Variants in KDM4C observed in about 807,000 individuals in gnomAD.
KDM4C encodes the protein lysine demethylase 4C.
KDM4C carries 81 observed loss-of-function variants against 129.3 expected under a neutral mutation model. The observed-to-expected ratio is 0.63, with a 90% CI of 0.52 to 0.75. The LOEUF (loss-of-function observed/expected upper bound fraction) is 0.75. Among genes scored for constraint, KDM4C ranks in the 30% least tolerant of loss-of-function variants. The probability of loss-of-function intolerance (pLI) is 0.00; values close to 1 mark genes in which losing one functional copy is unlikely to be tolerated. For synonymous variants in KDM4C, 573 were observed against 456.1 expected, an observed-to-expected ratio of 1.26 and a Z score of -3.26; for missense variants, 1,457 against 1,304.0, an observed-to-expected ratio of 1.12 and a Z score of -1.81.
intron 12 of KDM4C, among the ~76,000 whole-genome samples, chr9:7,006,195 G>A (rs546511395): frequency 2.0e-5 from 3 of 152,306 alleles, no homozygotes; most frequent in Admixed American, 6.5e-5. Context: ...AACTTTTGGA[G>A]TTTCTCTGAA....
chr9:6,978,254 A>G (rs1833260542), intron 8 of KDM4C, among the ~76,000 whole-genome samples: 1 of 152,158 alleles, frequency 6.6e-6, no homozygotes, highest in South Asian at 2.1e-4. Flanking sequence ...CACTATTTGC[A>G]TTGTGGGTCT....
chr9:6,789,664 A>G (rs1438749919), intron 1 of KDM4C, among the ~76,000 whole-genome samples: 1 of 151,174 alleles, frequency 6.6e-6, no homozygotes, highest in Non-Finnish European at 1.5e-5. Context: ...CCGTGCCTGG[A>G]CCAGATCCAG....
chr9:6,844,446 A>G (rs1195316401), intron 4 of KDM4C, among the ~76,000 whole-genome samples: 3 of 152,220 alleles, frequency 2.0e-5, no homozygotes, highest in Non-Finnish European at 2.9e-5. Flanking sequence ...TACAGTGTTT[A>G]GGGAACCGCC....
At position 6,870,402 on chromosome 9, in the gene KDM4C, T is replaced by C. The variant is rs141554547; in HGVS notation, c.630-9610T>C. Reference sequence around the variant, plus strand: ...TCTTGTACTTTGGAGTTAAGATAGGTCTGGGGTTAGGTGCCAGCTCTGTCA... The same window carrying C: ...TCTTGTACTTTGGAGTTAAGATAGGCCTGGGGTTAGGTGCCAGCTCTGTCA... On this transcript the variant is annotated intron_variant, in intron 5 of 21. Transcript: ENST00000381309. Among the ~76,000 whole-genome samples the C allele has an allele frequency of 3.5e-3, 533 of 151,848 alleles. 5 individuals carry two copies. The highest frequency in any genetic ancestry group is 0.013 in the African/African-American group (520 of 41,384).
chr9:7,040,271 A>C (rs181910364), intron 15 of KDM4C, among the ~76,000 whole-genome samples: 68 of 151,340 alleles, frequency 4.5e-4, no homozygotes, highest in Non-Finnish European at 7.4e-4. Flanking sequence ...CTTTTAATGA[A>C]ATTTGTTCAT....
At chr9:7,114,789 G>A (rs1223183934) in intron 18 of KDM4C, among the ~76,000 whole-genome samples, 1 of 152,110 alleles carries the variant, frequency 6.6e-6, no homozygotes, top group African/African-American at 2.4e-5. Context: ...TAGACCCCAC[G>A]GTGGGGGCAC....
chr9:6,899,219 G>A (rs1308042889), intron 8 of KDM4C, among the ~76,000 whole-genome samples: 4 of 151,966 alleles, frequency 2.6e-5, no homozygotes, highest in African/African-American at 9.7e-5. Context: ...GGAAAGTATA[G>A]AGATTCCCCA....
At chr9:7,129,054 C>T (rs1163863065) in intron 19 of KDM4C, among the ~76,000 whole-genome samples, 1 of 152,092 alleles carries the variant, frequency 6.6e-6, no homozygotes, top group Non-Finnish European at 1.5e-5. Flanking sequence ...TATCCCTTCT[C>T]CTTTCGGGGG....
chr9:7,127,453 A>G (rs1445887494), intron 18 of KDM4C, among the ~76,000 whole-genome samples: 1 of 152,178 alleles, frequency 6.6e-6, no homozygotes, highest in East Asian at 1.9e-4. Flanking sequence ...ACCTGAATCT[A>G]ATCATGAGGA....
intron 2 of KDM4C, among the ~76,000 whole-genome samples, chr9:6,803,449 A>C (rs903846054): frequency 6.6e-6 from 1 of 151,886 alleles, no homozygotes; most frequent in Non-Finnish European, 1.5e-5. Context: ...GCGCACCTGT[A>C]GTCCCAGCTA....
chr9:6,886,668 A>G (rs749175199), intron 6 of KDM4C, among the ~76,000 whole-genome samples: 1 of 151,374 alleles, frequency 6.6e-6, no homozygotes, highest in Non-Finnish European at 1.5e-5. Context: ...ATTTTTTTGT[A>G]TTTGTAGTAG....
intron 7 of KDM4C, among the ~76,000 whole-genome samples, chr9:6,891,341 G>T (rs1162692479): frequency 6.6e-6 from 1 of 152,194 alleles, no homozygotes; most frequent in East Asian, 1.9e-4. Flanking sequence ...AGGAAGTGAA[G>T]TACTGGCACA....
At chr9:7,120,986 A>G (rs1057127413) in intron 18 of KDM4C, among the ~76,000 whole-genome samples, 2 of 152,232 alleles carry the variant, frequency 1.3e-5, no homozygotes, top group African/African-American at 2.4e-5. Flanking sequence ...TATATAATCC[A>G]TGAAAAATAC....
At chr9:6,822,072 C>G (rs892067766) in intron 4 of KDM4C, among the ~76,000 whole-genome samples, 24 of 152,104 alleles carry the variant, frequency 1.6e-4, no homozygotes, top group Admixed American at 1.6e-3. Flanking sequence ...ACCAAAAAAC[C>G]AAGACTCTCA....
At chr9:7,173,761 G>C (rs922144527) in intron 21 of KDM4C, among the ~76,000 whole-genome samples, 1 of 152,202 alleles carries the variant, frequency 6.6e-6, no homozygotes, top group South Asian at 2.1e-4. Flanking sequence ...GAAGAAGGAA[G>C]GCTTTCAGTT....
At chr9:7,160,652 C>G (rs1411858596) in intron 19 of KDM4C, among the ~76,000 whole-genome samples, 1 of 152,166 alleles carries the variant, frequency 6.6e-6, no homozygotes, top group Non-Finnish European at 1.5e-5. Flanking sequence ...CTGGGGATCA[C>G]CATTGGAGGC....
chr9:6,969,021 C>A (rs986852215), intron 8 of KDM4C, among the ~76,000 whole-genome samples: 5 of 152,114 alleles, frequency 3.3e-5, no homozygotes, highest in Non-Finnish European at 7.4e-5. Flanking sequence ...ACTGCAACCT[C>A]CAACTCCTGG....
chr9:7,041,522 T>A (rs1828604865), intron 15 of KDM4C, among the ~76,000 whole-genome samples: 1 of 148,816 alleles, frequency 6.7e-6, no homozygotes, highest in Non-Finnish European at 1.5e-5. Context: ...ATTTTGTTTT[T>A]TCCTATCTTG....
chr9:6,754,857 AGT>A (rs1818189245), upstream of KDM4C, among the ~76,000 whole-genome samples: 1 of 148,144 alleles, frequency 6.8e-6, no homozygotes, highest in African/African-American at 2.5e-5. Flanking sequence ...TCTGGGCAAC[AGT>A]GTGAAGATCC....
Sources: allele counts gnomAD v4.1 joint callset (sites outside exome capture counted in the v4.1 genomes callset), GRCh38; gene constraint gnomAD v4.1.1; transcripts MANE v1.5; gene names NCBI Gene and HGNC (gene_info 2026-07-23, HGNC 2026-07-21).